NRXN3: variants seen among roughly 807,000 people sequenced by gnomAD.
NRXN3 encodes the protein neurexin III.
In NRXN3, 32 loss-of-function variants were observed where a neutral mutation model predicts 137.6. That is an observed-to-expected ratio of 0.23 (90% CI 0.18 to 0.31). The LOEUF (loss-of-function observed/expected upper bound fraction) is 0.31. Among genes scored for constraint, NRXN3 ranks in the 10% least tolerant of loss-of-function variants. The probability of loss-of-function intolerance (pLI) is 1.00; values close to 1 mark genes in which losing one functional copy is unlikely to be tolerated. For missense variants in NRXN3, 1,574 were observed against 2,062.5 expected (o/e 0.76, Z 4.59); for synonymous variants, 798 against 784.5 (o/e 1.02, Z -0.29).
chr14:79,124,776 C>A (rs952151106), intron 15 of NRXN3, among the ~76,000 whole-genome samples: 13 of 152,064 alleles, frequency 8.5e-5, no homozygotes, highest in Admixed American at 2.0e-4. Flanking sequence ...GCTAAGACTG[C>A]AGGGTATTAA....
At chr14:78,985,261 A>C (rs1007244239) in intron 14 of NRXN3, among the ~76,000 whole-genome samples, 5 of 152,194 alleles carry the variant, frequency 3.3e-5, no homozygotes, top group Non-Finnish European at 5.9e-5. Context: ...TTCACAATAG[A>C]CTTAGTGCCA....
At chr14:78,894,977 C>A (rs187678239) in intron 10 of NRXN3, among the ~76,000 whole-genome samples, 1 of 151,418 alleles carries the variant, frequency 6.6e-6, no homozygotes, top group Non-Finnish European at 1.5e-5. Context: ...GATGTACTGT[C>A]ATCCAGGCTT....
At chr14:79,581,788 C>T (rs746717900) in intron 16 of NRXN3, among the ~76,000 whole-genome samples, 2 of 152,088 alleles carry the variant, frequency 1.3e-5, no homozygotes, top group Non-Finnish European at 2.9e-5. Flanking sequence ...TTCTCACCAA[C>T]ACATTGTAAA....
At chr14:79,699,421 G>A (rs958061775) in intron 19 of NRXN3, among the ~76,000 whole-genome samples, 9 of 152,004 alleles carry the variant, frequency 5.9e-5, no homozygotes, top group African/African-American at 2.2e-4. Flanking sequence ...AAGCAGAGAA[G>A]CAAATGGCTT....
At chr14:79,427,123 T>C (rs1348224316) in intron 15 of NRXN3, among the ~76,000 whole-genome samples, 1 of 152,144 alleles carries the variant, frequency 6.6e-6, no homozygotes, top group Non-Finnish European at 1.5e-5. Context: ...GGCAATCCTA[T>C]TGACCTGCTT....
chr14:79,110,466 A>G (rs747085539), intron 15 of NRXN3, among the ~76,000 whole-genome samples: 1 of 152,238 alleles, frequency 6.6e-6, no homozygotes, highest in Non-Finnish European at 1.5e-5. Context: ...TTCCATGAGG[A>G]CACCACTGTC....
At position 78,412,046 on chromosome 14, in the gene NRXN3, C is replaced by A. The variant is rs748551512; in HGVS notation, c.757+114186C>A. Among the ~76,000 whole-genome samples the A allele has an allele frequency of 5.1e-4, 77 of 152,138 alleles. 1 individual carries two copies. Among genetic ancestry groups the A allele is most frequent in the Admixed American group, 1.3e-4 (2 of 15,286 alleles). ...TAGAATGGATTATATTCCCTACATC[C>A]TAGGATGGGTGTGAGATTTAAACAA... is the stretch of plus-strand genomic sequence containing the variant. On this transcript the variant is annotated intron_variant, in intron 4 of 20. Transcript: ENST00000335750.
In NRXN3 at chr14:78,170,986, T is replaced by TTTGC. The variant is rs2058669184; in HGVS notation, c.-704+316_-704+319dup. On this transcript the variant is annotated intron_variant, in intron 1 of 20. Coordinates refer to ENST00000335750, the MANE Select transcript of NRXN3 (RefSeq NM_001330195.2). ...TTTTTTTTTTTGAGTCTTTCTCCTA[T>TTTGC]TTGCTTGAATTGTTAGTCTGAAATG... Among the ~76,000 whole-genome samples the TTTGC allele has an allele frequency of 2.0e-5, 3 of 150,310 alleles. No homozygotes were observed. The Middle Eastern group carries it at 9.6e-3, about 482-fold the overall frequency.
intron 8 of NRXN3, among the ~76,000 whole-genome samples, chr14:78,727,238 G>A (rs1000523883): frequency 2.6e-5 from 4 of 152,230 alleles, no homozygotes; most frequent in African/African-American, 9.6e-5. Context: ...TCTGTGTTCT[G>A]AAAGGAATGA....
chr14:79,387,000 TA>T (rs1257224563), intron 15 of NRXN3, among the ~76,000 whole-genome samples: 1 of 152,128 alleles, frequency 6.6e-6, no homozygotes, highest in East Asian at 1.9e-4. Flanking sequence ...ATAAAAACTC[TA>T]GAAGAAAACC....
chr14:78,929,122 C>T (rs1164900356), intron 10 of NRXN3, among the ~76,000 whole-genome samples: 1 of 152,082 alleles, frequency 6.6e-6, no homozygotes, highest in Non-Finnish European at 1.5e-5. Flanking sequence ...TGTTCATATC[C>T]TTCGCCCACT....
At chr14:79,397,586 A>T (rs1355526264) in intron 15 of NRXN3, among the ~76,000 whole-genome samples, 1 of 152,196 alleles carries the variant, frequency 6.6e-6, no homozygotes, top group African/African-American at 2.4e-5. Flanking sequence ...AAAAAGTAAA[A>T]ATCTTAAGAT....
At chr14:78,601,582 A>G (rs1000434732) in intron 4 of NRXN3, among the ~76,000 whole-genome samples, 3 of 151,794 alleles carry the variant, frequency 2.0e-5, no homozygotes, top group African/African-American at 7.3e-5. Flanking sequence ...CCTCCCAAGT[A>G]GCTGGGACTA....
At chr14:79,383,322 C>T (rs1450778223) in intron 15 of NRXN3, among the ~76,000 whole-genome samples, 1 of 152,118 alleles carries the variant, frequency 6.6e-6, no homozygotes, top group Non-Finnish European at 1.5e-5. Context: ...TATCTGTCCT[C>T]TTTTTGATGG....
chr14:79,861,504 G>A lies in NRXN3; in HGVS notation c.4256G>A (p.Gly1419Glu). 1 of 1,540,160 alleles carries A rather than the reference G, an allele frequency of 6.5e-7. No individual in the cohort carries two copies. Among genetic ancestry groups the A allele is most frequent in the Non-Finnish European group, 8.7e-7 (1 of 1,147,400 alleles). ...LIRFTASSSS[G>E]MVPKLPAGKM... is the part of the protein sequence containing the mutation. ...CGCTTCACAGCTTCCTCCTCGTCTG[G>A]GATGGTGCCCAAATTGCCAGCTGGC... Residue 1419 changes from glycine to glutamate, a missense_variant, in exon 21 of 21, where the codon GGG (glycine) becomes GAG (glutamate). Around this residue, in one of 5 missense-constraint regions of NRXN3, gnomAD observed 320 missense variants for 387.1 expected, o/e 0.83. Transcript: ENST00000335750. This position sits in a 1 kb window ranked among gnomAD's most constrained non-coding sequence, Gnocchi z 5.4.
intron 16 of NRXN3, among the ~76,000 whole-genome samples, chr14:79,618,480 T>G (rs1390421762): frequency 6.6e-6 from 1 of 152,120 alleles, no homozygotes; most frequent in African/African-American, 2.4e-5. Context: ...CTTAGGGTAA[T>G]TGCCTCCAGG....
intron 4 of NRXN3, among the ~76,000 whole-genome samples, chr14:78,510,681 G>C (rs577761783): frequency 6.6e-6 from 1 of 152,104 alleles, no homozygotes. Context: ...TGCTTTCTTT[G>C]TTTGATCCCT....
chr14:79,180,138 A>G (rs1371744724), intron 15 of NRXN3, among the ~76,000 whole-genome samples: 1 of 152,126 alleles, frequency 6.6e-6, no homozygotes, highest in African/African-American at 2.4e-5. Flanking sequence ...CAGGCTCAAC[A>G]TGTGGTTTGT....
intron 4 of NRXN3, among the ~76,000 whole-genome samples, chr14:78,375,617 T>A (rs2087674558): frequency 1.3e-5 from 2 of 152,186 alleles, no homozygotes; most frequent in South Asian, 4.1e-4. Context: ...TAAACAAGTA[T>A]ATATATGTAT....
Sources: allele counts gnomAD v4.1 joint callset (sites outside exome capture counted in the v4.1 genomes callset), GRCh38; gene constraint gnomAD v4.1.1; regional missense constraint gnomAD v4.1.1; non-coding constraint Gnocchi (gnomAD v3.1); transcripts MANE v1.5; gene names NCBI Gene and HGNC (gene_info 2026-07-23, HGNC 2026-07-21).